Variants in OTOGL observed in about 807,000 individuals in gnomAD.
OTOGL encodes the protein otogelin like, also known as otogelin-like protein.
OTOGL carries 285 observed loss-of-function variants against 318.5 expected under a neutral mutation model. That is an observed-to-expected ratio of 0.89 (90% confidence interval 0.81 to 0.99). The LOEUF (loss-of-function observed/expected upper bound fraction) is 0.99, where lower values mean the gene tolerates loss of function less well. OTOGL is among the 50% of genes least tolerant of loss of function. OTOGL has a pLI of 0.00. For synonymous variants in OTOGL, 987 were observed against 936.5 expected, an observed-to-expected ratio of 1.05 and a Z score of -0.99; for missense variants, 2,899 against 2,845.6, an observed-to-expected ratio of 1.02 and a Z score of -0.43.
chr12:80,100,310 C>T lies in OTOGL; in HGVS notation c.-20+705C>T, dbSNP rs539228595. ...AACTATGGTTGCCCTATTAAGCCACCGAACACTAGATCTTACTTCTCCTAA... is the reference window on the plus strand; with the variant it reads ...AACTATGGTTGCCCTATTAAGCCACTGAACACTAGATCTTACTTCTCCTAA... On this transcript the variant is annotated intron_variant, in intron 1 of 58. Coordinates refer to ENST00000547103, the MANE Select transcript of OTOGL (RefSeq NM_001378609.3). 1.1e-3 allele frequency among the ~76,000 whole-genome samples: 160 copies of T among 151,948 alleles called. 2 individuals carry two copies. The highest frequency in any genetic ancestry group is 3.0e-3 in the Admixed American group (46 of 15,256).
At chr12:80,126,258 T>A (rs1433810454) in intron 1 of OTOGL, among the ~76,000 whole-genome samples, 2 of 152,218 alleles carry the variant, frequency 1.3e-5, no homozygotes, top group Admixed American at 1.3e-4. Context: ...CTCGTTGGTT[T>A]CAAAGAACAT....
intron 18 of OTOGL, among the ~76,000 whole-genome samples, chr12:80,259,755 A>G (rs1298559395): frequency 6.6e-6 from 1 of 152,068 alleles, no homozygotes; most frequent in Non-Finnish European, 1.5e-5. Flanking sequence ...TTCTTTATCC[A>G]GTCTATCATT....
At chr12:80,206,530 A>G (rs1448732023) in intron 1 of OTOGL, among the ~76,000 whole-genome samples, 4 of 151,920 alleles carry the variant, frequency 2.6e-5, no homozygotes, top group Non-Finnish European at 5.9e-5. Flanking sequence ...TTATTTTTTG[A>G]GACAGGGTCT....
chr12:80,103,837 G>A (rs1292814187), intron 1 of OTOGL, among the ~76,000 whole-genome samples: 3 of 152,204 alleles, frequency 2.0e-5, no homozygotes, highest in Non-Finnish European at 4.4e-5. Context: ...CTGTAATGAT[G>A]TAATTGTTTT....
chr12:80,112,892 T>G (rs1869937735), intron 1 of OTOGL, among the ~76,000 whole-genome samples: 1 of 152,166 alleles, frequency 6.6e-6, no homozygotes, highest in Non-Finnish European at 1.5e-5. Context: ...TCCTGGACTT[T>G]TTTTGGTTGG....
intron 44 of OTOGL, 96 bp from the exon 45 acceptor site, chr12:80,352,199 T>TTAG: frequency 8.9e-7 from 1 of 1,129,750 alleles, no homozygotes; most frequent in Non-Finnish European, 1.2e-6. Flanking sequence ...AATATTAACT[T>TTAG]GCTACCCTTT....
chr12:80,185,384 G>A (rs1875215516), intron 1 of OTOGL, among the ~76,000 whole-genome samples: 2 of 152,140 alleles, frequency 1.3e-5, no homozygotes, highest in Non-Finnish European at 2.9e-5. Context: ...CTGGGTTCAA[G>A]TGATTCCGAT....
intron 4 of OTOGL, among the ~76,000 whole-genome samples, chr12:80,213,260 C>T (rs903351332): frequency 1.3e-5 from 2 of 152,122 alleles, no homozygotes; most frequent in African/African-American, 2.4e-5. Flanking sequence ...ACTGTCATGG[C>T]GTTGGTGGGA....
At position 80,295,157 on chromosome 12, in the gene OTOGL, CTTTTT is replaced by C. The variant is rs66786755; in HGVS notation, c.2929-1645_2929-1641del. On this transcript the variant is annotated intron_variant, in intron 26 of 58. Transcript: ENST00000547103. ...AAACACAAACTGTATGATTGCCGAA[CTTTTT>C]TTTTTTTTTTTTTTTTTTTTTTTTA... 5.2e-4 allele frequency among the ~76,000 whole-genome samples: 51 copies of C among 98,936 alleles called. 1 individual carries two copies. The highest frequency in any genetic ancestry group is 1.2e-3 in the African/African-American group (24 of 20,608). The allele number at this position is 98,936 out of a possible 152,430, so 64.9% of individuals were successfully genotyped here.
intron 1 of OTOGL, chr12:80,103,152 T>C: frequency 8.4e-7 from 1 of 1,192,022 alleles, no homozygotes; most frequent in South Asian, 1.2e-5. Flanking sequence ...ACCTTCGTAG[T>C]GTCCTCGTAC....
At chr12:80,323,974 C>T (rs144456761) in intron 35 of OTOGL, 134 bp downstream of exon 35, 134 of 684,608 alleles carry the variant, frequency 2.0e-4, no homozygotes, top group Middle Eastern at 5.0e-4. Flanking sequence ...ATATTAATTT[C>T]GCTTAAATCA....
Position 80,144,054 on chromosome 12 carries a change from T to C in OTOGL, c.-20+44449T>C. On this transcript the variant is annotated intron_variant, in intron 1 of 58. Transcript: ENST00000547103. ...CTGTCGTTTTGTGCTTTTCTTTTTT[T>C]TTTTTTCTTTTATTATTATACTTTA... Among the ~76,000 whole-genome samples, 2 of 152,128 alleles carry C rather than the reference T, an allele frequency of 1.3e-5. 1 individual carries two copies. The highest frequency in any genetic ancestry group is 4.2e-4 in the South Asian group (2 of 4,818).
intron 1 of OTOGL, among the ~76,000 whole-genome samples, chr12:80,125,872 A>T (rs551045231): frequency 6.6e-6 from 1 of 152,124 alleles, no homozygotes; most frequent in African/African-American, 2.4e-5. Context: ...TTTCTGTGGG[A>T]TCGGTGGTGA....
At position 80,171,587 on chromosome 12, in the gene OTOGL, C is replaced by G. The variant is rs998950130; in HGVS notation, c.-19-37826C>G. 6.1e-4 allele frequency among the ~76,000 whole-genome samples: 93 copies of G among 152,110 alleles called. 1 individual carries two copies. The highest frequency in any genetic ancestry group is 2.2e-3 in the African/African-American group (91 of 41,406). ...TGATCACTGTAGTTTTATAGTAAGT[C>G]TGAAAAATCAGGTTCTGTGAACCCT... On this transcript the variant is annotated intron_variant, in intron 1 of 58. Transcript: ENST00000547103.
intron 1 of OTOGL, among the ~76,000 whole-genome samples, chr12:80,139,125 G>A (rs1233948924): frequency 6.6e-6 from 1 of 152,152 alleles, no homozygotes; most frequent in African/African-American, 2.4e-5. Context: ...ATCCGTTTTG[G>A]TGGTGCAGAT....
chr12:80,236,259 T>C (rs534877374), intron 9 of OTOGL, among the ~76,000 whole-genome samples: 1 of 152,320 alleles, frequency 6.6e-6, no homozygotes, highest in East Asian at 1.9e-4. Context: ...CCTGGTCTAC[T>C]TTCATTTTTT....
At chr12:80,152,937 A>G (rs1161031253) in intron 1 of OTOGL, among the ~76,000 whole-genome samples, 1 of 152,164 alleles carries the variant, frequency 6.6e-6, no homozygotes, top group Non-Finnish European at 1.5e-5. Flanking sequence ...CAGGTGGTCC[A>G]CCTGCCTCGG....
chr12:80,378,035 GC>G lies in OTOGL; in HGVS notation c.7051del (p.Gln2351SerfsTer19). On this transcript the variant is annotated frameshift_variant, in exon 59 of 59. Coordinates refer to ENST00000547103, the MANE Select transcript of OTOGL (RefSeq NM_001378609.3). LOFTEE classifies it high-confidence loss of function. The part of the protein sequence containing the change: ...YTLQEPIDCT[C>X]QWN Reference sequence around the variant, plus strand: ...CTCCAGGAACCCATAGACTGTACGTGCCAGTGGAATTAAACCCTTGGGTTCC... The same window carrying G: ...CTCCAGGAACCCATAGACTGTACGTGCAGTGGAATTAAACCCTTGGGTTCC... 6.4e-7 allele frequency: 1 copy of G among 1,573,178 alleles called. No individual in the cohort carries two copies. The highest frequency in any genetic ancestry group is 8.6e-7 in the Non-Finnish European group (1 of 1,156,450).
chr12:80,301,565 C>T (rs1043554125), intron 27 of OTOGL, among the ~76,000 whole-genome samples: 1 of 152,170 alleles, frequency 6.6e-6, no homozygotes, highest in Admixed American at 6.5e-5. Flanking sequence ...TTTCTTGTCC[C>T]TAAGTCTTGA....
Sources: allele counts gnomAD v4.1 joint callset (sites outside exome capture counted in the v4.1 genomes callset), GRCh38; gene constraint gnomAD v4.1.1; transcripts MANE v1.5; gene names NCBI Gene and HGNC (gene_info 2026-07-23, HGNC 2026-07-21).